ZNF469: variants seen among roughly 807,000 people sequenced by gnomAD.
The protein encoded by ZNF469 is zinc finger protein 469.
In ZNF469, 1 loss-of-function variant was observed where a neutral mutation model predicts 1.0. That is an observed-to-expected ratio of 1.00 (90% confidence interval 0.35 to 4.73). ZNF469 has a LOEUF of 4.73. Among genes scored for constraint, ZNF469 ranks in the 30% most tolerant of loss-of-function variants. ZNF469 has a pLI of 0.16. For missense variants in ZNF469, 6,100 were observed against 5,356.3 expected, an observed-to-expected ratio of 1.14 and a Z score of -4.33; for synonymous variants, 2,703 against 2,363.4, an observed-to-expected ratio of 1.14 and a Z score of -4.17.
the ZNF469 span, among the ~76,000 whole-genome samples, chr16:88,213,422 T>C: frequency 6.6e-6 from 1 of 152,192 alleles, no homozygotes; most frequent in Non-Finnish European, 1.5e-5. Flanking sequence ...AATAGTAGTT[T>C]TTTTATAGAA....
At chr16:88,121,688 C>A in the ZNF469 span, among the ~76,000 whole-genome samples, 2 of 152,334 alleles carry the variant, frequency 1.3e-5, no homozygotes, top group Non-Finnish European at 2.9e-5. Flanking sequence ...GTCTGTTGTT[C>A]AGTGACTTTT....
chr16:88,127,722 G>A, the ZNF469 span, among the ~76,000 whole-genome samples: 7 of 152,186 alleles, frequency 4.6e-5, no homozygotes, highest in Admixed American at 1.3e-4. Context: ...TGAGGGTGGG[G>A]TGGCCTCCTT....
chr16:88,157,653 G>T, the ZNF469 span, among the ~76,000 whole-genome samples: 3 of 152,118 alleles, frequency 2.0e-5, no homozygotes, highest in African/African-American at 7.2e-5. Flanking sequence ...ACTCTCTCAG[G>T]AAAGTTTATT....
At chr16:88,147,315 A>G in the ZNF469 span, among the ~76,000 whole-genome samples, 6 of 152,208 alleles carry the variant, frequency 3.9e-5, no homozygotes, top group African/African-American at 9.6e-5. Context: ...ACCGTAGCCC[A>G]GGGAGACTGG....
the ZNF469 span, among the ~76,000 whole-genome samples, chr16:88,315,086 G>A: frequency 4.6e-5 from 7 of 152,238 alleles, no homozygotes; most frequent in Non-Finnish European, 8.8e-5. Context: ...GATCTGACCT[G>A]GAGTTTTGAA....
the ZNF469 span, among the ~76,000 whole-genome samples, chr16:88,376,989 G>A: frequency 6.6e-6 from 1 of 152,360 alleles, no homozygotes; most frequent in Admixed American, 6.5e-5. Flanking sequence ...CGCCGGGAGG[G>A]CCAGAGGCAC....
chr16:88,205,634 G>A, the ZNF469 span, among the ~76,000 whole-genome samples: 3 of 152,252 alleles, frequency 2.0e-5, no homozygotes, highest in East Asian at 1.9e-4. This position sits in a 1 kb window ranked among gnomAD's most constrained non-coding sequence, Gnocchi z 4.2. Flanking sequence ...GGGCTCGTCC[G>A]GCGGTAACAG....
chr16:88,217,616 A>G, the ZNF469 span, among the ~76,000 whole-genome samples: 5 of 104,802 alleles, frequency 4.8e-5, no homozygotes, highest in African/African-American at 1.9e-4. Context: ...CACAGTCCCC[A>G]GAGTGTGATA....
chr16:88,404,539 T>G (rs564865392), intron 1 of ZNF469, among the ~76,000 whole-genome samples: 1 of 151,874 alleles, frequency 6.6e-6, no homozygotes, highest in East Asian at 1.9e-4. Flanking sequence ...TGAGCCACAG[T>G]GGGGATGTCG....
At chr16:88,348,060 C>T in the ZNF469 span, among the ~76,000 whole-genome samples, 1 of 152,244 alleles carries the variant, frequency 6.6e-6, no homozygotes, top group African/African-American at 2.4e-5. Flanking sequence ...TCGTGGTGGG[C>T]CAGGGACAGC....
chr16:88,299,045 T>C, the ZNF469 span, among the ~76,000 whole-genome samples: 1 of 147,106 alleles, frequency 6.8e-6, no homozygotes, highest in Non-Finnish European at 1.5e-5. Context: ...GAGTGTAGGG[T>C]GGAGGTCAGG....
At chr16:88,241,763 T>G in the ZNF469 span, among the ~76,000 whole-genome samples, 2 of 152,296 alleles carry the variant, frequency 1.3e-5, no homozygotes, top group Middle Eastern at 3.4e-3. The surrounding 1 kb of genome is among the most constrained non-coding windows in gnomAD (Gnocchi z 4.8). Flanking sequence ...TGGTATGAGA[T>G]GACAAGGAGC....
the ZNF469 span, among the ~76,000 whole-genome samples, chr16:88,376,375 A>G: frequency 6.6e-5 from 10 of 152,158 alleles, no homozygotes; most frequent in African/African-American, 2.4e-4. Flanking sequence ...GTGTGAGGGG[A>G]CGTCCGGGGT....
the ZNF469 span, among the ~76,000 whole-genome samples, chr16:88,224,440 A>C: frequency 6.6e-6 from 1 of 152,192 alleles, no homozygotes; most frequent in South Asian, 2.1e-4. Context: ...CATGCGCTGG[A>C]GGAAAGGGCC....
the ZNF469 span, among the ~76,000 whole-genome samples, chr16:88,241,943 G>A: frequency 2.6e-5 from 4 of 152,234 alleles, no homozygotes; most frequent in South Asian, 2.1e-4. The surrounding 1 kb of genome is among the most constrained non-coding windows in gnomAD (Gnocchi z 4.8). Flanking sequence ...CCCTGCAGCT[G>A]GAAGGCGCTG....
chr16:88,243,949 T>TATATATATATAA, the ZNF469 span, among the ~76,000 whole-genome samples: 682 of 94,164 alleles, frequency 7.2e-3, 85 homozygotes, highest in Non-Finnish European at 0.012. Context: ...TATATATATA[T>TATATATATATAA]ATAAATGTAT....
rs1213151485 is a variant in ZNF469 at position 88,437,248 on chromosome 16, G to A, written c.9778G>A (p.Gly3260Arg). Residue 3260 changes from glycine (G) to arginine (R), a missense_variant, in exon 3 of 3, where the codon GGA becomes AGA. Transcript: ENST00000565624. ...CCCGGGAGACCCGTGGGGGCAAGAGGGAGAAGCCAAGAAAGACAGCCCGGG... is the reference window on the plus strand; with the variant it reads ...CCCGGGAGACCCGTGGGGGCAAGAGAGAGAAGCCAAGAAAGACAGCCCGGG... ...GSPGDPWGQE[G>R]EAKKDSPGER... 1 of 1,549,012 alleles carries A rather than the reference G, an allele frequency of 6.5e-7. No homozygotes were observed. Among genetic ancestry groups the A allele is most frequent in the Non-Finnish European group, 8.7e-7 (1 of 1,146,256 alleles).
chr16:88,348,799 G>C, the ZNF469 span, among the ~76,000 whole-genome samples: 2 of 152,270 alleles, frequency 1.3e-5, no homozygotes, highest in African/African-American at 4.8e-5. Context: ...AAGAAGACCT[G>C]TCGTCTCCTT....
chr16:88,435,023 C>T lies in ZNF469; in HGVS notation c.7553C>T (p.Pro2518Leu). ...AALPAQQPLE[P>L]LAQKCQPPRK... ...TTGCCTGCTCAGCAGCCTCTAGAGC[C>T]CCTAGCCCAAAAGTGCCAGCCGCCC... The change falls in exon 3 of 3, where the codon CCC (proline) becomes CTC (leucine). Residue 2518 changes from proline to leucine, a missense_variant. Physicochemically the swap from Pro to Leu is moderately conservative, Grantham distance 98. Transcript: ENST00000565624. 1 of 1,550,376 alleles carries T rather than the reference C, an allele frequency of 6.5e-7. No individual in the cohort carries two copies. Among genetic ancestry groups the T allele is most frequent in the South Asian group, 1.2e-5 (1 of 84,066 alleles).
Sources: gnomAD v4.1 joint callset for allele counts (sites outside exome capture counted in the v4.1 genomes callset) on GRCh38, gnomAD v4.1.1 for gene constraint, Gnocchi (gnomAD v3.1) non-coding constraint, MANE v1.5 for transcripts, NCBI Gene and HGNC (gene_info 2026-07-23, HGNC 2026-07-21) for gene names.